The following PEAK1 variants were observed in gnomAD, a reference collection of about 807,000 sequenced individuals.
The protein encoded by PEAK1 is inactive tyrosine-protein kinase PEAK1.
In PEAK1, 54 loss-of-function variants were observed where a neutral mutation model predicts 124.7. That is an observed-to-expected ratio of 0.43 (90% CI 0.35 to 0.54). PEAK1 has a LOEUF of 0.54. Ranked by LOEUF, PEAK1 falls within the 20% of genes least tolerant of loss-of-function variation. The probability of loss-of-function intolerance (pLI) is 0.01; values close to 1 mark genes in which losing one functional copy is unlikely to be tolerated. For synonymous variants in PEAK1, 719 were observed against 760.0 expected, an observed-to-expected ratio of 0.95 and a Z score of 0.89; for missense variants, 2,046 against 2,134.5, an observed-to-expected ratio of 0.96 and a Z score of 0.82.
rs1247785521 is a variant in PEAK1 at position 77,310,301 on chromosome 15, C to A, written c.-602-23797G>T. Among the ~76,000 whole-genome samples, 4 of 152,272 alleles carry A rather than the reference C, an allele frequency of 2.6e-5. No homozygotes were observed. The East Asian group carries it at 7.7e-4, about 29-fold the overall frequency. On this transcript the variant is annotated intron_variant, in intron 2 of 9. Transcript: ENST00000682557. ...TTAAGTCTGGGGTCCCTGAGTCACTCCTTTTACAAGTCTCTTATGTTCCTA... is the reference window on the plus strand; with the variant it reads ...TTAAGTCTGGGGTCCCTGAGTCACTACTTTTACAAGTCTCTTATGTTCCTA...
chr15:77,159,262 T>A (rs114892511), intron 7 of PEAK1, among the ~76,000 whole-genome samples: 1 of 152,158 alleles, frequency 6.6e-6, no homozygotes, highest in Non-Finnish European at 1.5e-5. Flanking sequence ...GCCAAGAGAA[T>A]AGAAGCATCA....
At chr15:77,231,492 A>G (rs974764964) in intron 6 of PEAK1, among the ~76,000 whole-genome samples, 3 of 152,188 alleles carry the variant, frequency 2.0e-5, no homozygotes, top group African/African-American at 7.2e-5. Flanking sequence ...TACTGAGAAC[A>G]AGTTGCACTT....
At chr15:77,381,544 G>A (rs535097527) in intron 1 of PEAK1, 22 of 837,658 alleles carry the variant, frequency 2.6e-5, no homozygotes, top group Non-Finnish European at 3.0e-5. Flanking sequence ...TCAATTCATT[G>A]AGTAAACAGA....
chr15:77,155,254 C>T (rs1284084484), intron 8 of PEAK1: 2 of 152,218 alleles, frequency 1.3e-5, no homozygotes, highest in Admixed American at 6.5e-5. Context: ...ATCACTGATA[C>T]CCTTTCTTCC....
chr15:77,187,377 T>C (rs1208628006), intron 6 of PEAK1, among the ~76,000 whole-genome samples: 1 of 152,146 alleles, frequency 6.6e-6, no homozygotes, highest in South Asian at 2.1e-4. Flanking sequence ...TGACAATAAT[T>C]AGTTTGCTTC....
chr15:77,304,713 A>T (rs570639335), intron 2 of PEAK1, among the ~76,000 whole-genome samples: 1 of 151,982 alleles, frequency 6.6e-6, no homozygotes, highest in Non-Finnish European at 1.5e-5. Context: ...TCCCAAAGTG[A>T]TGGGATTACA....
intron 1 of PEAK1, among the ~76,000 whole-genome samples, chr15:77,377,456 CTT>C (rs879298852): frequency 6.3e-5 from 9 of 143,368 alleles, no homozygotes; most frequent in Admixed American, 2.1e-4. Context: ...TATATATACT[CTT>C]TTTTTTTTTT....
chr15:77,275,542 C>A (rs1318295864), intron 5 of PEAK1, among the ~76,000 whole-genome samples: 1 of 151,776 alleles, frequency 6.6e-6, no homozygotes, highest in African/African-American at 2.4e-5. Context: ...ACGGTGAAAT[C>A]CCATCTCTAC....
chr15:77,123,522 C>T (rs548029571), intron 9 of PEAK1, among the ~76,000 whole-genome samples: 2 of 152,250 alleles, frequency 1.3e-5, no homozygotes, highest in South Asian at 2.1e-4. Context: ...GATGGTGTCC[C>T]CATGCAGAAG....
intron 2 of PEAK1, chr15:77,349,778 A>G: frequency 1.0e-6 from 1 of 985,102 alleles, no homozygotes; most frequent in Non-Finnish European, 1.2e-6. Context: ...ACAAATAATT[A>G]GGTTACAAAT....
intron 2 of PEAK1, chr15:77,350,154 A>G: frequency 1.0e-6 from 1 of 985,446 alleles, no homozygotes. Flanking sequence ...TGCATGCACA[A>G]AAGTAATCTC....
At chr15:77,254,320 T>C in intron 5 of PEAK1, among the ~76,000 whole-genome samples, 1 of 152,228 alleles carries the variant, frequency 6.6e-6, no homozygotes, top group East Asian at 1.9e-4. Flanking sequence ...ATACATAAGT[T>C]TGACTGCTTA....
chr15:77,349,896 A>G (rs1685854415), intron 2 of PEAK1: 1 of 985,096 alleles, frequency 1.0e-6, no homozygotes, highest in Middle Eastern at 5.2e-4. Flanking sequence ...TAAAAAACAG[A>G]CACATTTACA....
intron 2 of PEAK1, among the ~76,000 whole-genome samples, chr15:77,341,707 G>A (rs181248698): frequency 2.4e-4 from 37 of 152,104 alleles, no homozygotes; most frequent in African/African-American, 8.4e-4. Context: ...AGCAATCTAG[G>A]GGTCCACCAT....
At chr15:77,159,053 ATACT>A (rs568443007) in intron 7 of PEAK1, among the ~76,000 whole-genome samples, 60 of 152,340 alleles carry the variant, frequency 3.9e-4, no homozygotes, top group African/African-American at 1.4e-3. Context: ...AGTATTTACT[ATACT>A]TACTAATTAT....
At chr15:77,167,425 G>A (rs2056180154) in intron 7 of PEAK1, among the ~76,000 whole-genome samples, 1 of 152,146 alleles carries the variant, frequency 6.6e-6, no homozygotes, top group Admixed American at 6.5e-5. Context: ...GATAAAGTAA[G>A]ATATTTATCA....
intron 2 of PEAK1, among the ~76,000 whole-genome samples, chr15:77,343,588 T>C (rs945568094): frequency 6.6e-6 from 1 of 150,940 alleles, no homozygotes; most frequent in Admixed American, 6.7e-5. Context: ...CTGGGTTCAA[T>C]GATTCTCCTG....
chr15:77,388,239 G>A (rs1429667534), intron 1 of PEAK1, among the ~76,000 whole-genome samples: 5 of 152,076 alleles, frequency 3.3e-5, no homozygotes, highest in African/African-American at 4.8e-5. Context: ...TGGATCACGC[G>A]TAAACTGAAG....
intron 1 of PEAK1, among the ~76,000 whole-genome samples, chr15:77,401,309 C>T (rs2071359071): frequency 1.3e-5 from 2 of 152,146 alleles, no homozygotes; most frequent in Non-Finnish European, 2.9e-5. Context: ...CTTTTCTTCT[C>T]CTTTGCTTTT....
Sources: gnomAD v4.1 joint callset for allele counts (sites outside exome capture counted in the v4.1 genomes callset) on GRCh38, gnomAD v4.1.1 for gene constraint, MANE v1.5 for transcripts, NCBI Gene and HGNC (gene_info 2026-07-23, HGNC 2026-07-21) for gene names.